The following SMAD2 variants were observed in gnomAD, a reference collection of about 807,000 sequenced individuals.
The protein encoded by SMAD2 is MAD homolog 2.
Under a neutral mutation model 64.4 loss-of-function variants are expected in SMAD2, and 8 were observed. That is an observed-to-expected ratio of 0.12 (90% CI 0.07 to 0.22). The LOEUF is 0.22. SMAD2 is among the 10% of genes least tolerant of loss of function. SMAD2 has a pLI of 1.00. For missense variants in SMAD2, 289 were observed against 561.2 expected, an observed-to-expected ratio of 0.51 and a Z score of 4.90; for synonymous variants, 203 against 195.8, an observed-to-expected ratio of 1.04 and a Z score of -0.31.
At chr18:47,851,147 A>G (rs898673835) in intron 7 of SMAD2, 127 bp downstream of exon 7, 8 of 698,890 alleles carry the variant, frequency 1.1e-5, no homozygotes, top group African/African-American at 1.1e-4. Flanking sequence ...AACCACATAC[A>G]TAATTATTTG....
In SMAD2 at chr18:47,836,834, C is replaced by T. The variant is rs958574458; in HGVS notation, c.*4993G>A. 3.7e-5 allele frequency: 8 copies of T among 215,246 alleles called. No individual in the cohort carries two copies. Among genetic ancestry groups the T allele is most frequent in the African/African-American group, 1.8e-4 (8 of 44,000 alleles). 13.3% of individuals were successfully genotyped at this position (215,246 alleles called of 1,614,324 possible). A position where few individuals can be genotyped will look rare whatever the true frequency, so the allele number is the denominator to read the frequency against. ...GGCTCAAAACACAGGAATTCCACTC[C>T]AAGAGATAATTTGCCCCTCAATCCC... On this transcript the variant is annotated 3_prime_UTR_variant, in exon 11 of 11. Transcript: ENST00000262160.
rs1913737109 is a variant in SMAD2, at chr18:47,839,429, C to G, written c.*2398G>C. ...CCTACAGGCCTGATAGTGGTATTAC[C>G]TAGGACATTTACTCTGCTCACAAGA... On this transcript the variant is annotated 3_prime_UTR_variant, in exon 11 of 11. Transcript: ENST00000262160. 1.3e-5 allele frequency: 3 copies of G among 233,186 alleles called. No homozygotes were observed. The highest frequency in any genetic ancestry group is 2.2e-5 in the African/African-American group (1 of 45,306). 14.4% of individuals were successfully genotyped at this position (233,186 alleles called of 1,614,324 possible).
chr18:47,867,128 T>C (rs1332435905), intron 5 of SMAD2: 2 of 152,154 alleles, frequency 1.3e-5, no homozygotes, highest in African/African-American at 2.4e-5. Context: ...TCCCGGGTTT[T>C]CCCTCCTCCT....
At chr18:47,848,829 G>T in intron 7 of SMAD2, 142 bp from the exon 8 acceptor site, 1 of 656,612 alleles carries the variant, frequency 1.5e-6, no homozygotes, top group South Asian at 1.9e-5. Flanking sequence ...CATAGTATCT[G>T]TATCGGTTTC....
Position 47,813,667 on chromosome 18 carries a change from A to AAGTGCTGG in SMAD2, c.*28152_*28159dup, listed in dbSNP as rs1912276677. 1 of 147,820 alleles carries AAGTGCTGG rather than the reference A, an allele frequency of 6.8e-6. No homozygotes were observed. Among genetic ancestry groups the AAGTGCTGG allele is most frequent in the South Asian group, 2.2e-4 (1 of 4,622 alleles). 9.2% of individuals were successfully genotyped at this position (147,820 alleles called of 1,614,324 possible). The stretch of plus-strand genomic sequence containing the variant: ...ATGATCCACCTGCCTCGGCCTCCCA[A>AAGTGCTGG]AGTGCTGGGATTACAGGCATGAGCC... On this transcript the variant is annotated 3_prime_UTR_variant, in exon 11 of 11. Coordinates refer to ENST00000262160, the MANE Select transcript of SMAD2 (RefSeq NM_005901.6).
rs985621729 is a variant in SMAD2 at position 47,840,972 on chromosome 18, C to T, written c.*855G>A. The T allele has an allele frequency of 1.3e-5, 3 of 232,346 alleles. No individual in the cohort carries two copies. The highest frequency in any genetic ancestry group is 4.4e-5 in the African/African-American group (2 of 45,250). The allele number at this position is 232,346 out of a possible 1,614,324, so 14.4% of individuals were successfully genotyped here. On this transcript the variant is annotated 3_prime_UTR_variant, in exon 11 of 11. Coordinates refer to ENST00000262160, the MANE Select transcript of SMAD2 (RefSeq NM_005901.6). Reference sequence around the variant, plus strand: ...GGGCATAAGACAAAGGGACTTTCTCCATATGAATTCTTACTGTATCCCAGA... The same window carrying T: ...GGGCATAAGACAAAGGGACTTTCTCTATATGAATTCTTACTGTATCCCAGA...
At chr18:47,897,006 A>T (rs1221153467) in intron 1 of SMAD2, among the ~76,000 whole-genome samples, 197 bp from the exon 2 acceptor site, 2 of 152,196 alleles carry the variant, frequency 1.3e-5, no homozygotes, top group African/African-American at 2.4e-5. Context: ...AAAAACAAGA[A>T]TGTTGTAAGG....
chr18:47,849,901 AG>A (rs1781368458), intron 7 of SMAD2, among the ~76,000 whole-genome samples: 1 of 151,566 alleles, frequency 6.6e-6, no homozygotes, highest in South Asian at 2.1e-4. Flanking sequence ...CCAGCTACTC[AG>A]GAGGCTGAGG....
chr18:47,831,809 A>AT lies in SMAD2; in HGVS notation c.*10017dup, dbSNP rs1913005438. ...AAAATCAGTTAAACCAATTCTACAA[A>AT]TATTTCCATACCTATTTATTGCAGC... On this transcript the variant is annotated 3_prime_UTR_variant, in exon 11 of 11. Coordinates refer to ENST00000262160, the MANE Select transcript of SMAD2 (RefSeq NM_005901.6). 6.6e-6 allele frequency: 1 copy of AT among 152,230 alleles called. No individual in the cohort carries two copies. The highest frequency in any genetic ancestry group is 2.4e-5 in the African/African-American group (1 of 41,464). 9.4% of individuals were successfully genotyped at this position (152,230 alleles called of 1,614,324 possible).
intron 5 of SMAD2, among the ~76,000 whole-genome samples, 172 bp from the exon 6 acceptor site, chr18:47,865,305 A>C (rs1041575291): frequency 2.6e-5 from 4 of 152,176 alleles, no homozygotes; most frequent in African/African-American, 9.7e-5. Flanking sequence ...TCTTGTCCAA[A>C]TTTTGCAGTG....
chr18:47,909,304 G>C (rs1671469804), intron 1 of SMAD2, among the ~76,000 whole-genome samples: 1 of 152,144 alleles, frequency 6.6e-6, no homozygotes. Context: ...TCTAAAGCTG[G>C]AAAATTTAAT....
rs1046176621 is a variant in SMAD2, at chr18:47,820,271, A to G, written c.*21556T>C. On this transcript the variant is annotated 3_prime_UTR_variant, in exon 11 of 11. Transcript: ENST00000262160. ...TGGTTCTCATTTATAAAATGCTGAT[A>G]TAACACTTCAAAATTTTGCTTCCTA... The G allele has an allele frequency of 5.9e-5, 9 of 152,344 alleles. No homozygotes were observed. Among genetic ancestry groups the G allele is most frequent in the East Asian group, 1.9e-4 (1 of 5,188 alleles). The allele number at this position is 152,344 out of a possible 1,614,324, so 9.4% of individuals were successfully genotyped here.
rs143903683 is a variant in SMAD2, at chr18:47,840,806, T to C, written c.*1021A>G. 12 of 231,752 alleles carry C rather than the reference T, an allele frequency of 5.2e-5. No individual in the cohort carries two copies. The highest frequency in any genetic ancestry group is 2.6e-4 in the African/African-American group (12 of 45,414). The allele number at this position is 231,752 out of a possible 1,614,324, so 14.4% of individuals were successfully genotyped here. A position where few individuals can be genotyped will look rare whatever the true frequency, so the allele number is the denominator to read the frequency against. ...AAACGGTATTTATAGATTAGCTTTT[T>C]TAAAAAGGGATAAATATGTGGAAGT... is the stretch of plus-strand genomic sequence containing the variant. On this transcript the variant is annotated 3_prime_UTR_variant, in exon 11 of 11. Transcript: ENST00000262160.
At chr18:47,911,742 A>T (rs559995105) in intron 1 of SMAD2, among the ~76,000 whole-genome samples, 76 of 152,374 alleles carry the variant, frequency 5.0e-4, no homozygotes, top group Admixed American at 2.0e-3. Flanking sequence ...CAGTGAACTT[A>T]ACAGCCCGGT....
chr18:47,827,812 C>G lies in SMAD2; in HGVS notation c.*14015G>C. Reference sequence around the variant, plus strand: ...TGTTGCCCAGGCTGGAGTGCAGTGGCACGATCTCGGCTCGCTACAACCTCC... The same window carrying G: ...TGTTGCCCAGGCTGGAGTGCAGTGGGACGATCTCGGCTCGCTACAACCTCC... On this transcript the variant is annotated 3_prime_UTR_variant, in exon 11 of 11. Transcript: ENST00000262160. 1 of 192,374 alleles carries G rather than the reference C, an allele frequency of 5.2e-6. No individual in the cohort carries two copies. The highest frequency in any genetic ancestry group is 1.7e-4 in the East Asian group (1 of 5,988). The allele number at this position is 192,374 out of a possible 1,614,324, so 11.9% of individuals were successfully genotyped here. A position where few individuals can be genotyped will look rare whatever the true frequency, so the allele number is the denominator to read the frequency against.
At chr18:47,853,200 T>C (rs1370001249) in intron 6 of SMAD2, 2 of 205,116 alleles carry the variant, frequency 9.8e-6, no homozygotes, top group Non-Finnish European at 1.9e-5. Context: ...CATGGTGGCA[T>C]ACACCTGTAA....
intron 1 of SMAD2, among the ~76,000 whole-genome samples, chr18:47,908,793 G>T (rs989229857): frequency 3.9e-5 from 6 of 152,196 alleles, no homozygotes; most frequent in Non-Finnish European, 8.8e-5. Flanking sequence ...TGCATGAGCA[G>T]TTCTTCTCTC....
At position 47,896,730 on chromosome 18, in the gene SMAD2, C is replaced by A. The variant is rs546743584; in HGVS notation, c.27G>T (p.Pro9=). MSSILPFT[P]PVVKRLLGWK... is the part of the protein sequence containing the mutation. ...ATCCCAGCAGTCTCTTCACAACTGGCGGCGTGAATGGCAAGATGGACGACA... is the reference window on the plus strand; with the variant it reads ...ATCCCAGCAGTCTCTTCACAACTGGAGGCGTGAATGGCAAGATGGACGACA... The change falls in exon 2 of 11, where the codon CCG becomes CCT. Residue 9 remains proline, a synonymous_variant. Coordinates refer to ENST00000262160, the MANE Select transcript of SMAD2 (RefSeq NM_005901.6). 2.5e-6 allele frequency: 4 copies of A among 1,613,978 alleles called. No homozygotes were observed. Among genetic ancestry groups the A allele is most frequent in the South Asian group, 2.2e-5 (2 of 91,074 alleles).
chr18:47,906,528 C>T lies in SMAD2; in HGVS notation c.-53-9719G>A, dbSNP rs145824667. On this transcript the variant is annotated intron_variant, in intron 1 of 10. Transcript: ENST00000262160. ...AAAACCATAATGCAATACCATTTCA[C>T]ACCATCTAGAATGGTTTAAAATTTT... 6.7e-4 allele frequency among the ~76,000 whole-genome samples: 102 copies of T among 152,324 alleles called. 2 individuals carry two copies. In the East Asian group the frequency reaches 0.019, roughly 29 times the overall value.
Sources: gnomAD v4.1 joint callset for allele counts (sites outside exome capture counted in the v4.1 genomes callset) on GRCh38, gnomAD v4.1.1 for gene constraint, MANE v1.5 for transcripts, NCBI Gene and HGNC (gene_info 2026-07-23, HGNC 2026-07-21) for gene names.